The following UBR1 variants were observed in gnomAD, a reference collection of about 807,000 sequenced individuals.
UBR1 encodes ubiquitin protein ligase E3 component n-recognin 1.
In UBR1, 102 loss-of-function variants were observed where a neutral mutation model predicts 242.1. That is an observed-to-expected ratio of 0.42 (90% CI 0.36 to 0.50). UBR1 has a LOEUF of 0.50. UBR1 is among the 20% of genes least tolerant of loss of function. The pLI is 0.01. For synonymous variants in UBR1, 675 were observed against 684.8 expected, an observed-to-expected ratio of 0.99 and a Z score of 0.22; for missense variants, 1,772 against 2,101.8, an observed-to-expected ratio of 0.84 and a Z score of 3.07.
At chr15:42,985,901 A>T (rs2032451384) in intron 35 of UBR1, among the ~76,000 whole-genome samples, 2 of 149,018 alleles carry the variant, frequency 1.3e-5, no homozygotes, top group Non-Finnish European at 3.0e-5. Context: ...AGGTGGGAGG[A>T]TCACCTGAGC....
intron 42 of UBR1, 110 bp from the exon 43 acceptor site, chr15:42,960,811 C>T: frequency 1.7e-6 from 2 of 1,149,978 alleles, no homozygotes; most frequent in East Asian, 2.6e-5. Flanking sequence ...CTCTTTCGCC[C>T]AGGCTGGAGT....
intron 30 of UBR1, among the ~76,000 whole-genome samples, 174 bp from the exon 31 acceptor site, chr15:43,004,104 C>A (rs2032766573): frequency 6.6e-6 from 1 of 152,068 alleles, no homozygotes; most frequent in South Asian, 2.1e-4. Context: ...ATAAAGGTAG[C>A]CTGTCAGATA....
chr15:43,067,902 T>C lies in UBR1; in HGVS notation c.794A>G (p.Lys265Arg), dbSNP rs1337770717. Reference sequence around the variant, plus strand: ...ATTCAAAAGGAGACCACAAACCTCTTTGTCAATGGCAGTGGTATGCAACTG... The same window carrying C: ...ATTCAAAAGGAGACCACAAACCTCTCTGTCAATGGCAGTGGTATGCAACTG... ...EAQLHTTAID[K>R]EGRRAVKAGA... Residue 265 changes from lysine to arginine, a missense_variant, in exon 6 of 47, where the codon AAA becomes AGA. Coordinates refer to ENST00000290650, the MANE Select transcript of UBR1 (RefSeq NM_174916.3). The C allele has an allele frequency of 4.3e-6, 7 of 1,613,902 alleles. No individual in the cohort carries two copies. The highest frequency in any genetic ancestry group is 2.7e-5 in the African/African-American group (2 of 75,020).
At chr15:42,988,644 A>G in intron 35 of UBR1, 175 bp downstream of exon 35, 1 of 806,742 alleles carries the variant, frequency 1.2e-6, no homozygotes, top group Non-Finnish European at 2.0e-6. Context: ...AAAAGAGATC[A>G]ACATAAAAAA....
chr15:43,098,588 C>A (rs941611557), intron 1 of UBR1, among the ~76,000 whole-genome samples: 1 of 152,096 alleles, frequency 6.6e-6, no homozygotes, highest in Non-Finnish European at 1.5e-5. Flanking sequence ...GGACAAAAAC[C>A]TTTTCATTTG....
intron 1 of UBR1, among the ~76,000 whole-genome samples, chr15:43,097,477 CT>C (rs1285930391): frequency 2.0e-5 from 3 of 152,240 alleles, no homozygotes; most frequent in African/African-American, 7.2e-5. Flanking sequence ...ATTGACTTCT[CT>C]CTAGCTATGA....
intron 4 of UBR1, among the ~76,000 whole-genome samples, chr15:43,072,689 G>A (rs1020270667): frequency 3.3e-5 from 5 of 152,180 alleles, no homozygotes; most frequent in Admixed American, 2.6e-4. Flanking sequence ...ATCAGGTTGA[G>A]GAAGTTCCCT....
At chr15:43,083,661 C>T (rs747473328) in intron 2 of UBR1, among the ~76,000 whole-genome samples, 3 of 151,798 alleles carry the variant, frequency 2.0e-5, no homozygotes, top group African/African-American at 4.8e-5. Flanking sequence ...GGATTACAGG[C>T]GTGAGCCTCT....
At chr15:43,035,053 A>G (rs1182067117) in intron 19 of UBR1, among the ~76,000 whole-genome samples, 1 of 152,204 alleles carries the variant, frequency 6.6e-6, no homozygotes, top group African/African-American at 2.4e-5. Flanking sequence ...AATAGACTTT[A>G]AAGTATAATG....
intron 13 of UBR1, among the ~76,000 whole-genome samples, chr15:43,047,941 C>T (rs2033506279): frequency 6.6e-6 from 1 of 152,138 alleles, no homozygotes; most frequent in Admixed American, 6.5e-5. Flanking sequence ...CCGGGCATGG[C>T]AGCTCACACC....
At chr15:42,986,998 T>A (rs2032472375) in intron 35 of UBR1, among the ~76,000 whole-genome samples, 1 of 152,216 alleles carries the variant, frequency 6.6e-6, no homozygotes, top group African/African-American at 2.4e-5. Context: ...CCCCTGGGTA[T>A]CCTTGGAAGG....
chr15:42,969,252 A>T (rs1478881303), intron 40 of UBR1, among the ~76,000 whole-genome samples: 5 of 152,140 alleles, frequency 3.3e-5, no homozygotes, highest in African/African-American at 1.2e-4. Flanking sequence ...TTTGAGTTGC[A>T]TTTCTCTAAT....
chr15:42,972,183 C>T (rs545125828), intron 39 of UBR1, among the ~76,000 whole-genome samples: 3 of 152,250 alleles, frequency 2.0e-5, no homozygotes, highest in East Asian at 1.9e-4. Flanking sequence ...ATTCAGCCCT[C>T]CCCCAACACC....
chr15:42,981,222 A>G (rs1312869379), intron 37 of UBR1, among the ~76,000 whole-genome samples: 5 of 152,166 alleles, frequency 3.3e-5, no homozygotes, highest in Non-Finnish European at 7.3e-5. Context: ...TGCCTGGGGC[A>G]TTTAAGCCAC....
At chr15:43,086,802 A>C (rs1375698094) in intron 1 of UBR1, among the ~76,000 whole-genome samples, 1 of 152,224 alleles carries the variant, frequency 6.6e-6, no homozygotes, top group Non-Finnish European at 1.5e-5. Flanking sequence ...TGACAATGAG[A>C]TACCCCTGTA....
chr15:43,102,301 A>G (rs2034247435), intron 1 of UBR1, among the ~76,000 whole-genome samples: 1 of 152,184 alleles, frequency 6.6e-6, no homozygotes, highest in Admixed American at 6.5e-5. Flanking sequence ...ACCATCAACT[A>G]TGGCTTGGGT....
intron 4 of UBR1, among the ~76,000 whole-genome samples, 154 bp downstream of exon 4, chr15:43,074,825 T>C (rs111389031): frequency 0.01 from 1,557 of 152,320 alleles, 18 homozygotes; most frequent in African/African-American, 0.036. Flanking sequence ...AAATCCTTAG[T>C]TTCTTTGGAG....
At chr15:42,968,816 C>G (rs1024350073) in intron 40 of UBR1, among the ~76,000 whole-genome samples, 2 of 152,084 alleles carry the variant, frequency 1.3e-5, no homozygotes, top group African/African-American at 4.8e-5. Flanking sequence ...TGGTTTCCAG[C>G]TTCATCCATA....
At chr15:43,059,575 A>T (rs1302583548) in intron 8 of UBR1, 127 bp downstream of exon 8, 7 of 1,144,774 alleles carry the variant, frequency 6.1e-6, no homozygotes, top group Non-Finnish European at 8.5e-6. Context: ...AAAATTAATC[A>T]AAGTGTATAA....
Sources: allele counts gnomAD v4.1 joint callset (sites outside exome capture counted in the v4.1 genomes callset), GRCh38; gene constraint gnomAD v4.1.1; transcripts MANE v1.5; gene names NCBI Gene and HGNC (gene_info 2026-07-23, HGNC 2026-07-21).